The following SPAG17 variants were observed in gnomAD, a reference collection of about 807,000 sequenced individuals.
The protein encoded by SPAG17 is sperm associated antigen 17.
SPAG17 carries 169 observed loss-of-function variants against 273.6 expected under a neutral mutation model. The ratio of observed to expected loss-of-function variants is 0.62; its 90% CI spans 0.55 to 0.70. The LOEUF (loss-of-function observed/expected upper bound fraction) is 0.70, where lower values mean the gene tolerates loss of function less well. Ranked by LOEUF, SPAG17 falls within the 30% of genes least tolerant of loss-of-function variation. SPAG17 has a pLI of 0.00. For synonymous variants in SPAG17, 825 were observed against 873.2 expected (o/e 0.94, Z 0.97); for missense variants, 2,557 against 2,627.8 (o/e 0.97, Z 0.59).
chr1:117,994,687 A>G (rs1446762290), intron 34 of SPAG17, among the ~76,000 whole-genome samples, 157 bp from the exon 35 acceptor site: 1 of 152,168 alleles, frequency 6.6e-6, no homozygotes, highest in Non-Finnish European at 1.5e-5. Flanking sequence ...TTACAATCAA[A>G]TAAGAAGGAT....
At chr1:117,982,174 T>C (rs1655898578) in intron 42 of SPAG17, among the ~76,000 whole-genome samples, 1 of 152,150 alleles carries the variant, frequency 6.6e-6, no homozygotes, top group Non-Finnish European at 1.5e-5. Flanking sequence ...TTCTATTGTA[T>C]GCGTTCATTA....
At chr1:118,122,886 T>A (rs1570733093) in intron 3 of SPAG17, among the ~76,000 whole-genome samples, 1 of 152,144 alleles carries the variant, frequency 6.6e-6, no homozygotes, top group Non-Finnish European at 1.5e-5. Flanking sequence ...GAGAATGGAA[T>A]GGAATGAGGA....
chr1:118,006,036 T>C (rs1658840589), intron 31 of SPAG17, among the ~76,000 whole-genome samples: 1 of 152,202 alleles, frequency 6.6e-6, no homozygotes, highest in Non-Finnish European at 1.5e-5. Context: ...CTCTCCTCTC[T>C]CTGGTGGCTG....
chr1:118,142,978 T>C (rs1446186726), intron 3 of SPAG17, among the ~76,000 whole-genome samples: 1 of 152,228 alleles, frequency 6.6e-6, no homozygotes, highest in Non-Finnish European at 1.5e-5. Context: ...TCCATCTTTC[T>C]TTCTTTCATC....
chr1:117,963,960 G>C (rs1473790517), intron 47 of SPAG17, 22 bp from the exon 48 acceptor site: 3 of 1,598,534 alleles, frequency 1.9e-6, no homozygotes, highest in East Asian at 4.5e-5. Context: ...GTTAAGGGCT[G>C]TGCTTTTCAT....
At chr1:118,084,197 C>A (rs996870453) in intron 13 of SPAG17, among the ~76,000 whole-genome samples, 1 of 152,064 alleles carries the variant, frequency 6.6e-6, no homozygotes, top group Admixed American at 6.5e-5. Flanking sequence ...ACATACCAGG[C>A]CCTCGAGGCT....
At chr1:118,100,563 C>A (rs1309134448) in intron 5 of SPAG17, among the ~76,000 whole-genome samples, 1 of 152,146 alleles carries the variant, frequency 6.6e-6, no homozygotes, top group East Asian at 1.9e-4. Context: ...AGAGGCACAA[C>A]TTTTCATTTT....
At chr1:118,022,419 C>A in intron 28 of SPAG17, among the ~76,000 whole-genome samples, 1 of 107,728 alleles carries the variant, frequency 9.3e-6, no homozygotes, top group Admixed American at 8.8e-5. Context: ...ATAGGAAATT[C>A]ACAAAATGAA....
intron 1 of SPAG17, among the ~76,000 whole-genome samples, chr1:118,173,932 A>AT (rs1421440633): frequency 6.6e-6 from 1 of 151,966 alleles, no homozygotes; most frequent in Non-Finnish European, 1.5e-5. Context: ...ACCTGGGAAG[A>AT]TTTTAAGCCT....
At position 118,031,733 on chromosome 1, in the gene SPAG17, A is replaced by G. The variant is rs773137235; in HGVS notation, c.3568T>C (p.Ser1190Pro). 1.9e-6 allele frequency: 3 copies of G among 1,613,468 alleles called. No individual in the cohort carries two copies. The East Asian group carries it at 6.7e-5, about 36-fold the overall frequency. Residue 1190 changes from serine to proline, a missense_variant, in exon 25 of 49, where the codon TCC (serine) becomes CCC (proline). Ser to Pro is a moderately conservative substitution (Grantham distance 74). Transcript: ENST00000336338. ...KIKGKEKPKE[S>P]LKEEEHPKEE... ...TTTGGGTGTTCTTCTTCTTTAAGGG[A>G]TTCTTTGGGTTTTTCTTTGCCTTTT...
chr1:118,122,208 G>T (rs1448413423), intron 3 of SPAG17, among the ~76,000 whole-genome samples: 1 of 151,974 alleles, frequency 6.6e-6, no homozygotes. Flanking sequence ...TAGAGTGAAA[G>T]GCTGTTTAGA....
rs1041225365 is a variant in SPAG17 at position 117,980,705 on chromosome 1, G to A, written c.6004+565C>T. Among the ~76,000 whole-genome samples the A allele has an allele frequency of 2.6e-5, 4 of 152,094 alleles. No individual in the cohort carries two copies. The South Asian group carries it at 6.2e-4, about 24-fold the overall frequency. ...ATTAGTCTCTCTATCTCTCTTTTGT[G>A]ATCAACTATATTTAGTTGAATTATC... On this transcript the variant is annotated intron_variant, in intron 43 of 48. Coordinates refer to ENST00000336338, the MANE Select transcript of SPAG17 (RefSeq NM_206996.4).
At chr1:118,150,162 G>T (rs979030061) in intron 3 of SPAG17, among the ~76,000 whole-genome samples, 1 of 151,940 alleles carries the variant, frequency 6.6e-6, no homozygotes, top group Admixed American at 6.6e-5. Context: ...TGTTTTTTTC[G>T]AGAAACTAAC....
At chr1:117,966,471 C>A in intron 47 of SPAG17, 138 bp downstream of exon 47, 1 of 850,996 alleles carries the variant, frequency 1.2e-6, no homozygotes, top group Non-Finnish European at 1.7e-6. Flanking sequence ...AATGAAGATG[C>A]TCTTTGTCTT....
At chr1:118,141,308 A>G (rs1458493771) in intron 3 of SPAG17, among the ~76,000 whole-genome samples, 1 of 152,216 alleles carries the variant, frequency 6.6e-6, no homozygotes, top group African/African-American at 2.4e-5. Context: ...GTCATTGACT[A>G]TCATTTGATG....
chr1:117,974,278 C>G (rs2101535989), intron 43 of SPAG17, among the ~76,000 whole-genome samples: 1 of 152,166 alleles, frequency 6.6e-6, no homozygotes, highest in African/African-American at 2.4e-5. Flanking sequence ...CATTTTATGC[C>G]TTTTCATTTT....
At chr1:118,145,118 C>G (rs938260340) in intron 3 of SPAG17, among the ~76,000 whole-genome samples, 1 of 152,166 alleles carries the variant, frequency 6.6e-6, no homozygotes, top group African/African-American at 2.4e-5. Flanking sequence ...TCTCTCTGTT[C>G]CCAGTAGAGC....
At chr1:118,030,441 G>C (rs771010859) in intron 25 of SPAG17, among the ~76,000 whole-genome samples, 7 of 150,960 alleles carry the variant, frequency 4.6e-5, no homozygotes, top group Admixed American at 2.0e-4. Context: ...TTTACTTTAA[G>C]TTCTGGGATA....
chr1:118,101,358 G>A (rs1224284986), intron 5 of SPAG17, among the ~76,000 whole-genome samples: 1 of 152,204 alleles, frequency 6.6e-6, no homozygotes, highest in Non-Finnish European at 1.5e-5. Context: ...TTTTGAAGCT[G>A]TAGTATAAGC....
Sources: allele counts gnomAD v4.1 joint callset (sites outside exome capture counted in the v4.1 genomes callset), GRCh38; gene constraint gnomAD v4.1.1; transcripts MANE v1.5; gene names NCBI Gene and HGNC (gene_info 2026-07-23, HGNC 2026-07-21).